TCF12: variants seen among roughly 807,000 people sequenced by gnomAD.
TCF12 encodes transcription factor 12, also known as DNA-binding protein HTF4.
In TCF12, 45 loss-of-function variants were observed where a neutral mutation model predicts 86.0. That is an observed-to-expected ratio of 0.52 (90% CI 0.41 to 0.67). The LOEUF is 0.67. Ranked by LOEUF, TCF12 falls within the 30% of genes least tolerant of loss-of-function variation. The pLI, the probability that TCF12 is intolerant of heterozygous loss-of-function variation, is 0.00. For synonymous variants in TCF12, 330 were observed against 299.6 expected (o/e 1.10, Z -1.05); for missense variants, 881 against 859.9 (o/e 1.02, Z -0.31).
intron 18 of TCF12, among the ~76,000 whole-genome samples, chr15:57,268,309 T>C (rs1320346441): frequency 5.9e-5 from 9 of 152,206 alleles, no homozygotes; most frequent in Non-Finnish European, 8.8e-5. Flanking sequence ...CTCGATGATC[T>C]TTAAAGGACT....
chr15:57,220,976 A>C (rs1415536461), intron 8 of TCF12, among the ~76,000 whole-genome samples: 2 of 152,198 alleles, frequency 1.3e-5, no homozygotes, highest in Non-Finnish European at 2.9e-5. Flanking sequence ...AATGGGCTTA[A>C]AATTAGATAT....
At chr15:57,021,169 T>C (rs1315195052) in intron 3 of TCF12, among the ~76,000 whole-genome samples, 4 of 152,176 alleles carry the variant, frequency 2.6e-5, no homozygotes, top group Non-Finnish European at 5.9e-5. Flanking sequence ...TTTTCAGATA[T>C]GGAAGGTGTG....
intron 5 of TCF12, among the ~76,000 whole-genome samples, chr15:57,128,355 C>T (rs1332968771): frequency 3.3e-5 from 5 of 152,164 alleles, no homozygotes; most frequent in East Asian, 1.9e-4. Flanking sequence ...GGTCCCATTT[C>T]GTTAAGAACC....
intron 4 of TCF12, among the ~76,000 whole-genome samples, chr15:57,082,708 T>C (rs2048389112): frequency 1.3e-5 from 2 of 152,080 alleles, no homozygotes; most frequent in African/African-American, 4.8e-5. Context: ...TATGAGACTT[T>C]CCCCCTAAAT....
chr15:57,107,303 A>G (rs2050197470), intron 5 of TCF12, among the ~76,000 whole-genome samples: 1 of 152,208 alleles, frequency 6.6e-6, no homozygotes, highest in African/African-American at 2.4e-5. Flanking sequence ...GTGTAAGTGC[A>G]GATTACTGTG....
chr15:57,015,624 G>C (rs1275147009), intron 3 of TCF12, among the ~76,000 whole-genome samples: 2 of 152,152 alleles, frequency 1.3e-5, no homozygotes, highest in Non-Finnish European at 2.9e-5. Context: ...CTGAGATTAT[G>C]GGTGCTGTCT....
intron 3 of TCF12, among the ~76,000 whole-genome samples, chr15:56,926,837 G>A (rs2060037222): frequency 6.6e-6 from 1 of 152,184 alleles, no homozygotes; most frequent in Non-Finnish European, 1.5e-5. Context: ...TCCTTATAAG[G>A]TTGTTAGGAG....
At chr15:57,211,930 G>C (rs2058118900) in intron 8 of TCF12, among the ~76,000 whole-genome samples, 1 of 151,422 alleles carries the variant, frequency 6.6e-6, no homozygotes, top group Non-Finnish European at 1.5e-5. Flanking sequence ...CTCCAGCCTG[G>C]GCAACAAAGC....
Position 56,971,270 on chromosome 15 carries a change from A to C in TCF12, c.148+50172A>C, listed in dbSNP as rs1005904389. 7.3e-5 allele frequency among the ~76,000 whole-genome samples: 11 copies of C among 151,326 alleles called. 1 individual carries two copies. The highest frequency in any genetic ancestry group is 4.2e-4 in the South Asian group (2 of 4,782). On this transcript the variant is annotated intron_variant, in intron 3 of 20. Transcript: ENST00000333725. ...GCAACTCCATCTCCACTAAAAACAAAAAAAAAAATTAGCTGGGCGTGGTAG... is the reference window on the plus strand; with the variant it reads ...GCAACTCCATCTCCACTAAAAACAACAAAAAAAATTAGCTGGGCGTGGTAG...
chr15:57,051,438 T>G (rs1252962673), intron 3 of TCF12, among the ~76,000 whole-genome samples: 1 of 148,772 alleles, frequency 6.7e-6, no homozygotes, highest in Non-Finnish European at 1.5e-5. Context: ...TCCAGTCACA[T>G]TGGCATTCTC....
chr15:56,986,337 T>G (rs1251744776), intron 3 of TCF12, among the ~76,000 whole-genome samples: 1 of 152,154 alleles, frequency 6.6e-6, no homozygotes, highest in Admixed American at 6.5e-5. Flanking sequence ...GAGAAAAAAT[T>G]TGAGCTTCTG....
At chr15:57,156,009 T>C (rs1276044971) in intron 5 of TCF12, among the ~76,000 whole-genome samples, 1 of 152,236 alleles carries the variant, frequency 6.6e-6, no homozygotes, top group African/African-American at 2.4e-5. Flanking sequence ...ATTGACATTT[T>C]GTTTTTCTTA....
chr15:57,157,747 G>A (rs1223723790), intron 5 of TCF12, among the ~76,000 whole-genome samples: 3 of 151,864 alleles, frequency 2.0e-5, no homozygotes, highest in African/African-American at 7.3e-5. Context: ...ATTTTTAGTA[G>A]AGATGGGGTT....
At chr15:57,010,627 C>G (rs1482711903) in intron 3 of TCF12, among the ~76,000 whole-genome samples, 2 of 151,962 alleles carry the variant, frequency 1.3e-5, no homozygotes, top group Non-Finnish European at 1.5e-5. Flanking sequence ...TTTTCCTGCT[C>G]CTTAAAGCAA....
chr15:56,958,580 T>C (rs1187586239), intron 3 of TCF12, among the ~76,000 whole-genome samples: 3 of 152,120 alleles, frequency 2.0e-5, no homozygotes, highest in African/African-American at 7.2e-5. Context: ...AGTACAAATA[T>C]AGAACTTTAC....
At chr15:57,019,015 G>T (rs1048496362) in intron 3 of TCF12, among the ~76,000 whole-genome samples, 2 of 152,122 alleles carry the variant, frequency 1.3e-5, no homozygotes, top group Non-Finnish European at 2.9e-5. Context: ...AATAAATCTG[G>T]TAAGAAAGTC....
intron 3 of TCF12, among the ~76,000 whole-genome samples, chr15:57,060,332 A>G (rs2068366606): frequency 6.6e-6 from 1 of 152,240 alleles, no homozygotes; most frequent in South Asian, 2.1e-4. Flanking sequence ...GCTTTTAAAA[A>G]TGGAGCTCAT....
intron 20 of TCF12, among the ~76,000 whole-genome samples, chr15:57,284,089 T>A (rs2061825006): frequency 6.6e-6 from 1 of 152,224 alleles, no homozygotes; most frequent in Admixed American, 6.5e-5. Context: ...AAAACCTAGA[T>A]CATTGTTTCA....
intron 5 of TCF12, among the ~76,000 whole-genome samples, chr15:57,140,347 C>A (rs1228426763): frequency 6.6e-6 from 1 of 152,150 alleles, no homozygotes; most frequent in Non-Finnish European, 1.5e-5. Context: ...AATTCCATTT[C>A]TGTGAAGTAC....
Sources: gnomAD v4.1 joint callset for allele counts (sites outside exome capture counted in the v4.1 genomes callset) on GRCh38, gnomAD v4.1.1 for gene constraint, MANE v1.5 for transcripts, NCBI Gene and HGNC (gene_info 2026-07-23, HGNC 2026-07-21) for gene names.